The following ATP10B variants were observed in gnomAD, a reference collection of about 807,000 sequenced individuals.
ATP10B encodes phospholipid-transporting ATPase VB.
Under a neutral mutation model 141.2 loss-of-function variants are expected in ATP10B, and 122 were observed. The ratio of observed to expected loss-of-function variants is 0.86; its 90% CI spans 0.75 to 1.00. ATP10B has a LOEUF of 1.00. Among genes scored for constraint, ATP10B ranks in the 50% least tolerant of loss-of-function variants. ATP10B has a pLI of 0.00. For missense variants in ATP10B, 1,876 were observed against 1,825.3 expected (o/e 1.03, Z -0.51); for synonymous variants, 685 against 692.0 (o/e 0.99, Z 0.16).
At chr5:160,815,266 G>C (rs1194594993) in intron 1 of ATP10B, among the ~76,000 whole-genome samples, 2 of 152,088 alleles carry the variant, frequency 1.3e-5, no homozygotes, top group African/African-American at 4.8e-5. Context: ...GACACACATA[G>C]GCTCAAAATA....
At chr5:160,837,183 CT>C (rs1392140653) in intron 1 of ATP10B, among the ~76,000 whole-genome samples, 1 of 152,160 alleles carries the variant, frequency 6.6e-6, no homozygotes, top group South Asian at 2.1e-4. Context: ...GTTTATGGTG[CT>C]TTTTTTCCCA....
chr5:160,617,866 T>A lies in ATP10B; in HGVS notation c.2524A>T (p.Lys842Ter). 1 of 1,613,454 alleles carries A rather than the reference T, an allele frequency of 6.2e-7. No homozygotes were observed. Among genetic ancestry groups the A allele is most frequent in the South Asian group, 1.1e-5 (1 of 91,066 alleles). ...ACGCTTGGAGGAATTGTTCTTACCT[T>A]CTTGGCAATGCATAGTGTGCGCAGG... ...DGLRTLCIAKKVVSEEDFRRW... is the reference protein window; with the variant it reads ...DGLRTLCIAK The change falls in exon 16 of 26, where the codon AAG (lysine) becomes TAG (stop). Residue 842 changes from lysine to a stop codon, truncating the protein, a stop_gained and splice_region_variant. Transcript: ENST00000327245. LOFTEE classifies it high-confidence loss of function.
At chr5:160,691,316 C>G (rs1377459361) in intron 3 of ATP10B, among the ~76,000 whole-genome samples, 2 of 152,060 alleles carry the variant, frequency 1.3e-5, no homozygotes, top group African/African-American at 2.4e-5. Context: ...GTACACAAAC[C>G]TGCACATTCT....
In ATP10B at chr5:160,564,293, C is replaced by T. The variant is rs1468627643; in HGVS notation, c.*1160G>A. On this transcript the variant is annotated 3_prime_UTR_variant, in exon 26 of 26. Transcript: ENST00000327245. Reference sequence around the variant, plus strand: ...CTTTGGACAGCCTATTAAAATTCTACTGTTCATTCCTTTAACACTGTTTTG... The same window carrying T: ...CTTTGGACAGCCTATTAAAATTCTATTGTTCATTCCTTTAACACTGTTTTG... 4 of 152,232 alleles carry T rather than the reference C, an allele frequency of 2.6e-5. No homozygotes were observed. In the South Asian group the frequency reaches 6.2e-4, roughly 24 times the overall value. The allele number at this position is 152,232 out of a possible 1,614,324, so 9.4% of individuals were successfully genotyped here. A position where few individuals can be genotyped will look rare whatever the true frequency, so the allele number is the denominator to read the frequency against.
At chr5:160,732,526 C>G (rs1323030974) in intron 2 of ATP10B, among the ~76,000 whole-genome samples, 1 of 152,048 alleles carries the variant, frequency 6.6e-6, no homozygotes, top group African/African-American at 2.4e-5. Context: ...TATGGATATG[C>G]AGTTTTCCAG....
chr5:160,805,546 C>T (rs1261752993), intron 1 of ATP10B, among the ~76,000 whole-genome samples: 9 of 152,198 alleles, frequency 5.9e-5, no homozygotes, highest in Non-Finnish European at 1.3e-4. Flanking sequence ...GGTTACTACA[C>T]TAACTGGGTC....
intron 8 of ATP10B, among the ~76,000 whole-genome samples, chr5:160,647,648 G>A (rs1760391646): frequency 6.6e-6 from 1 of 152,150 alleles, no homozygotes; most frequent in Non-Finnish European, 1.5e-5. Context: ...AAGAGGATAT[G>A]GAGAGTGACT....
At chr5:160,705,409 G>A (rs1178273594) in intron 3 of ATP10B, among the ~76,000 whole-genome samples, 2 of 151,498 alleles carry the variant, frequency 1.3e-5, no homozygotes, top group East Asian at 1.9e-4. Context: ...ATTTTTTTTT[G>A]TAGAGATGGG....
At chr5:160,916,282 G>A in the ATP10B span, among the ~76,000 whole-genome samples, 1 of 152,204 alleles carries the variant, frequency 6.6e-6, no homozygotes, top group South Asian at 2.1e-4. Flanking sequence ...GGAAGCCTGG[G>A]CTCCAGCCCT....
intron 2 of ATP10B, among the ~76,000 whole-genome samples, chr5:160,753,314 C>T (rs1048374901): frequency 8.6e-5 from 13 of 151,660 alleles, no homozygotes; most frequent in African/African-American, 2.7e-4. Flanking sequence ...GTAGATGGCA[C>T]TCTGCTCGTT....
chr5:160,715,965 T>A (rs929571105), intron 3 of ATP10B, among the ~76,000 whole-genome samples: 2 of 152,086 alleles, frequency 1.3e-5, no homozygotes, highest in Admixed American at 6.6e-5. Flanking sequence ...CTCCTGGGCC[T>A]CCCAAAGTGC....
chr5:160,782,865 T>C (rs1263200840), intron 2 of ATP10B, among the ~76,000 whole-genome samples: 1 of 152,064 alleles, frequency 6.6e-6, no homozygotes, highest in Non-Finnish European at 1.5e-5. Flanking sequence ...GAGAATAGCT[T>C]GTATAAAAGG....
rs577914806 is a variant in ATP10B, at chr5:160,648,999, A to C, written c.761+172T>G. On this transcript the variant is annotated intron_variant, in intron 8 of 25. Coordinates refer to ENST00000327245, the MANE Select transcript of ATP10B (RefSeq NM_025153.3). The stretch of plus-strand genomic sequence containing the variant: ...TAAATAACTATCACTCAGCAAAAAA[A>C]AAAAAATAGAAAAAGTTTCCCAATT... 8.8e-4 allele frequency among the ~76,000 whole-genome samples: 133 copies of C among 151,850 alleles called. 1 individual carries two copies. The highest frequency in any genetic ancestry group is 2.9e-3 in the African/African-American group (122 of 41,408).
intron 6 of ATP10B, among the ~76,000 whole-genome samples, chr5:160,673,663 A>T (rs1484623545): frequency 6.6e-6 from 1 of 151,922 alleles, no homozygotes; most frequent in Non-Finnish European, 1.5e-5. Context: ...AATACATTTG[A>T]TTATTTAAAC....
At chr5:160,845,852 T>TA (rs1486970037) in intron 1 of ATP10B, among the ~76,000 whole-genome samples, 2 of 152,082 alleles carry the variant, frequency 1.3e-5, no homozygotes, top group Admixed American at 6.6e-5. Context: ...ATTGTTTAAA[T>TA]AAAAAACATT....
chr5:160,849,685 G>T (rs898609944), intron 1 of ATP10B, among the ~76,000 whole-genome samples: 1 of 151,070 alleles, frequency 6.6e-6, no homozygotes, highest in Non-Finnish European at 1.5e-5. Flanking sequence ...ACTTGCCAAG[G>T]TTACACAATT....
intron 18 of ATP10B, chr5:160,612,104 C>A (rs1198823012): frequency 1.3e-5 from 2 of 152,220 alleles, no homozygotes; most frequent in Non-Finnish European, 2.9e-5. Context: ...TTGAAAAGTG[C>A]CATTTTTAGA....
Position 160,636,288 on chromosome 5 carries a change from G to T in ATP10B, c.1022C>A (p.Thr341Asn), listed in dbSNP as rs1418760158. The change falls in exon 11 of 26, where the codon ACC (threonine) becomes AAC (asparagine). Residue 341 changes from threonine (T) to asparagine (N), a missense_variant. Physicochemically the swap from Thr to Asn is moderately conservative, Grantham distance 65 (BLOSUM62 0). Coordinates refer to ENST00000327245, the MANE Select transcript of ATP10B (RefSeq NM_025153.3). ...GAVGHSIWNGTFEEHPPFDVP... is the reference protein window; with the variant it reads ...GAVGHSIWNGNFEEHPPFDVP... ...ATCGAAGGGAGGGTGTTCTTCAAAG[G>T]TCCCATTCCAGATGCTGTGACCTGA... 3.1e-6 allele frequency: 5 copies of T among 1,613,036 alleles called. No individual in the cohort carries two copies. In the African/African-American group the frequency reaches 6.7e-5, roughly 22 times the overall value.
chr5:160,870,213 C>A, the ATP10B span, among the ~76,000 whole-genome samples: 1 of 152,130 alleles, frequency 6.6e-6, no homozygotes, highest in Non-Finnish European at 1.5e-5. Flanking sequence ...AGTTCACAGT[C>A]AAAAGGCATA....
Sources: allele counts gnomAD v4.1 joint callset (sites outside exome capture counted in the v4.1 genomes callset), GRCh38; gene constraint gnomAD v4.1.1; transcripts MANE v1.5; gene names NCBI Gene and HGNC (gene_info 2026-07-23, HGNC 2026-07-21).